TMCO5A: variants seen among roughly 807,000 people sequenced by gnomAD.
TMCO5A encodes transmembrane and coiled-coil domain-containing protein 5A.
TMCO5A carries 34 observed loss-of-function variants against 42.3 expected under a neutral mutation model. That is an observed-to-expected ratio of 0.80 (90% CI 0.61 to 1.07). The LOEUF (loss-of-function observed/expected upper bound fraction) is 1.07, where lower values mean the gene tolerates loss of function less well. Ranked by LOEUF, TMCO5A falls within the 50% of genes least tolerant of loss-of-function variation. TMCO5A has a pLI of 0.00. For missense variants in TMCO5A, 357 were observed against 327.9 expected (o/e 1.09, Z -0.69); for synonymous variants, 131 against 115.6 (o/e 1.13, Z -0.86).
chr15:37,936,709 T>C lies in TMCO5A; in HGVS notation c.141-138T>C, dbSNP rs143072021. On this transcript the variant is annotated intron_variant, in intron 3 of 11. Transcript: ENST00000319669. ...GAATCAGGCAGGTCTTCCTGCTTTA[T>C]GGATTCAGTAAGGAAGAGTTTTCAG... is the stretch of plus-strand genomic sequence containing the variant. 857 of 1,277,068 alleles carry C rather than the reference T, an allele frequency of 6.7e-4. 10 individuals carry two copies. The East Asian group carries it at 0.017, about 25-fold the overall frequency. 79.1% of individuals were successfully genotyped at this position (1,277,068 alleles called of 1,614,324 possible).
the TMCO5A span, among the ~76,000 whole-genome samples, chr15:37,973,049 C>T: frequency 6.6e-6 from 1 of 151,972 alleles, no homozygotes; most frequent in Non-Finnish European, 1.5e-5. Flanking sequence ...TTCCCCATTG[C>T]CTGTTTTGTC....
the TMCO5A span, among the ~76,000 whole-genome samples, chr15:38,023,477 C>T: frequency 1.3e-5 from 2 of 152,136 alleles, no homozygotes; most frequent in African/African-American, 4.8e-5. Flanking sequence ...ACATGCTGAT[C>T]AGAGATCCAA....
At chr15:37,975,845 T>C in the TMCO5A span, among the ~76,000 whole-genome samples, 2 of 151,434 alleles carry the variant, frequency 1.3e-5, no homozygotes, top group East Asian at 3.9e-4. Flanking sequence ...CAGTGTGTTT[T>C]TGTGGCGGAC....
the TMCO5A span, chr15:37,994,688 A>T: frequency 2.0e-5 from 3 of 152,210 alleles, no homozygotes; most frequent in Non-Finnish European, 2.9e-5. Flanking sequence ...CATGTGCCTA[A>T]AAACTCCCTT....
chr15:37,968,489 TTAG>T (rs1391075583), downstream of TMCO5A, among the ~76,000 whole-genome samples: 1 of 152,146 alleles, frequency 6.6e-6, no homozygotes, highest in Non-Finnish European at 1.5e-5. Context: ...AAAGCCAGTG[TTAG>T]AGACACCATT....
the TMCO5A span, among the ~76,000 whole-genome samples, chr15:38,010,342 T>C: frequency 3.9e-5 from 5 of 127,022 alleles, no homozygotes; most frequent in Non-Finnish European, 7.8e-5. Context: ...GCCACTGCAC[T>C]CCAGCACTCC....
the TMCO5A span, among the ~76,000 whole-genome samples, chr15:37,973,860 C>A: frequency 6.6e-6 from 1 of 151,986 alleles, no homozygotes; most frequent in Non-Finnish European, 1.5e-5. Context: ...TCAAATGTTT[C>A]AAGTTTTTGC....
downstream of TMCO5A, among the ~76,000 whole-genome samples, chr15:37,969,781 T>C (rs1258717721): frequency 6.6e-6 from 1 of 152,200 alleles, no homozygotes; most frequent in African/African-American, 2.4e-5. Flanking sequence ...GAACATGCAG[T>C]ACTTGGTTTT....
chr15:37,941,318 A>C, intron 7 of TMCO5A, 113 bp downstream of exon 7: 1 of 1,068,498 alleles, frequency 9.4e-7, no homozygotes, highest in Non-Finnish European at 1.4e-6. Context: ...ATCCAAGACC[A>C]TGATGGGGCT....
chr15:38,003,033 G>A, the TMCO5A span, among the ~76,000 whole-genome samples: 1 of 152,056 alleles, frequency 6.6e-6, no homozygotes. Context: ...AAGAGATTTG[G>A]GCACTGTGAT....
exon 12 of TMCO5A, chr15:37,967,711 C>T (rs893086094): frequency 2.0e-5 from 3 of 152,072 alleles, no homozygotes; most frequent in African/African-American, 7.2e-5. Flanking sequence ...GAATAAAATA[C>T]CATGTATTAA....
chr15:37,968,834 G>T (rs1281044228), downstream of TMCO5A, among the ~76,000 whole-genome samples: 1 of 152,022 alleles, frequency 6.6e-6, no homozygotes, highest in Non-Finnish European at 1.5e-5. Context: ...GCCCACCTCA[G>T]CCTCCCAAAG....
the TMCO5A span, among the ~76,000 whole-genome samples, chr15:38,029,152 G>A: frequency 6.6e-6 from 1 of 152,138 alleles, no homozygotes; most frequent in Non-Finnish European, 1.5e-5. Flanking sequence ...GATGATCTGG[G>A]AGAAAGTGCA....
chr15:37,980,637 CAAAAAAAAAAAAAAAAA>C, the TMCO5A span, among the ~76,000 whole-genome samples: 2 of 83,146 alleles, frequency 2.4e-5, no homozygotes, highest in African/African-American at 4.5e-5. Context: ...GCCATCTTGG[CAAAAAAAAAAAAAAAAA>C]AAAAAAAAAT....
chr15:38,009,864 C>G, the TMCO5A span, among the ~76,000 whole-genome samples: 45 of 152,302 alleles, frequency 3.0e-4, no homozygotes, highest in South Asian at 2.1e-4. Context: ...AGCATTGTAT[C>G]TGGAGCATAA....
the TMCO5A span, among the ~76,000 whole-genome samples, chr15:38,019,786 T>C: frequency 6.6e-6 from 1 of 151,648 alleles, no homozygotes; most frequent in African/African-American, 2.4e-5. Context: ...TTTTTTTTTT[T>C]TTAATTTCAT....
At chr15:37,937,088 T>A in intron 4 of TMCO5A, 118 bp downstream of exon 4, 13 of 1,464,516 alleles carry the variant, frequency 8.9e-6, no homozygotes, top group Non-Finnish European at 1.2e-5. Context: ...ATCTCAAAAG[T>A]CATGATAAAA....
At chr15:38,007,798 G>T in the TMCO5A span, among the ~76,000 whole-genome samples, 1 of 151,010 alleles carries the variant, frequency 6.6e-6, no homozygotes, top group South Asian at 2.1e-4. Context: ...AGGGTGGGGA[G>T]GCCTAGGCAT....
chr15:37,987,304 T>C, the TMCO5A span, among the ~76,000 whole-genome samples: 2 of 152,048 alleles, frequency 1.3e-5, no homozygotes, highest in African/African-American at 4.8e-5. Flanking sequence ...TTATCAGACA[T>C]ATACTTTGCA....
Sources: gnomAD v4.1 joint callset for allele counts (sites outside exome capture counted in the v4.1 genomes callset) on GRCh38, gnomAD v4.1.1 for gene constraint, MANE v1.5 for transcripts, NCBI Gene and HGNC (gene_info 2026-07-23, HGNC 2026-07-21) for gene names.